Variants in ANKS1B observed in about 807,000 individuals in gnomAD.
ANKS1B encodes the protein ankyrin repeat and sterile alpha motif domain-containing protein 1B.
Under a neutral mutation model 148.3 loss-of-function variants are expected in ANKS1B, and 36 were observed. That is an observed-to-expected ratio of 0.24 (90% confidence interval 0.19 to 0.32). The LOEUF is 0.32. Among genes scored for constraint, ANKS1B ranks in the 10% least tolerant of loss-of-function variants. The pLI is 1.00. For missense variants in ANKS1B, 1,157 were observed against 1,542.6 expected, an observed-to-expected ratio of 0.75 and a Z score of 4.19; for synonymous variants, 542 against 560.8, an observed-to-expected ratio of 0.97 and a Z score of 0.47.
chr12:99,909,990 T>G (rs1001923541), intron 1 of ANKS1B, among the ~76,000 whole-genome samples: 1 of 152,228 alleles, frequency 6.6e-6, no homozygotes. Context: ...TTTGTTCATA[T>G]TCCATTCCAA....
At chr12:99,651,281 G>A (rs956064494) in intron 9 of ANKS1B, among the ~76,000 whole-genome samples, 1 of 152,092 alleles carries the variant, frequency 6.6e-6, no homozygotes, top group Non-Finnish European at 1.5e-5. Context: ...CTAGCTTTGC[G>A]AATTTCAAGG....
At chr12:99,817,984 T>A (rs756356628) in intron 2 of ANKS1B, among the ~76,000 whole-genome samples, 1 of 151,812 alleles carries the variant, frequency 6.6e-6, no homozygotes, top group Non-Finnish European at 1.5e-5. Flanking sequence ...TGGATAACCA[T>A]ATTCAGCAGA....
Position 99,053,320 on chromosome 12 carries a change from GA to G in ANKS1B, c.2626-12del, listed in dbSNP as rs1434551828. The G allele has an allele frequency of 1.3e-6, 2 of 1,575,110 alleles. No homozygotes were observed. Among genetic ancestry groups the G allele is most frequent in the Non-Finnish European group, 1.7e-6 (2 of 1,163,894 alleles). ...CCCAATGGGTCTCATCTGTAATAAAGAAAATTACATTAGGATTAAACTGTAT... is the reference window on the plus strand; with the variant it reads ...CCCAATGGGTCTCATCTGTAATAAAGAAATTACATTAGGATTAAACTGTAT... On this transcript the variant is annotated splice_polypyrimidine_tract_variant and intron_variant, in intron 16 of 26. Transcript: ENST00000683438.
At chr12:99,319,635 G>T (rs1482362377) in intron 12 of ANKS1B, among the ~76,000 whole-genome samples, 2 of 149,706 alleles carry the variant, frequency 1.3e-5, no homozygotes, top group Admixed American at 6.6e-5. Context: ...TATCCAATTT[G>T]CCAGTCTGTG....
intron 8 of ANKS1B, among the ~76,000 whole-genome samples, chr12:99,732,532 G>GA (rs200793060): frequency 2.6e-5 from 4 of 151,584 alleles, no homozygotes; most frequent in Admixed American, 6.6e-5. Context: ...TGAAATTCTA[G>GA]AAAAAAAAAT....
chr12:99,462,066 C>T (rs999417796), intron 10 of ANKS1B, among the ~76,000 whole-genome samples: 2 of 152,226 alleles, frequency 1.3e-5, no homozygotes, highest in African/African-American at 4.8e-5. Flanking sequence ...CCAGTAACTA[C>T]ATTCACTCTT....
intron 12 of ANKS1B, among the ~76,000 whole-genome samples, chr12:99,333,244 A>T (rs2087947200): frequency 6.6e-6 from 1 of 152,094 alleles, no homozygotes; most frequent in African/African-American, 2.4e-5. Context: ...GAGCAAGAGA[A>T]TGCTTTAGAC....
intron 11 of ANKS1B, among the ~76,000 whole-genome samples, chr12:99,436,539 C>T (rs1056309059): frequency 2.0e-5 from 3 of 151,918 alleles, no homozygotes; most frequent in South Asian, 2.1e-4. Context: ...TTTTTACATA[C>T]CCACTCTCAT....
At chr12:99,300,847 A>T (rs1281141462) in intron 12 of ANKS1B, among the ~76,000 whole-genome samples, 1 of 152,188 alleles carries the variant, frequency 6.6e-6, no homozygotes, top group Non-Finnish European at 1.5e-5. Context: ...AAAAAAATTT[A>T]AAAGTGCTAT....
intron 15 of ANKS1B, among the ~76,000 whole-genome samples, chr12:99,118,610 C>A (rs975876245): frequency 2.6e-5 from 4 of 152,142 alleles, no homozygotes; most frequent in African/African-American, 9.7e-5. Flanking sequence ...TGCTGCAATG[C>A]TGTGAGCCCA....
At chr12:99,198,049 C>T (rs1416188318) in intron 14 of ANKS1B, among the ~76,000 whole-genome samples, 2 of 152,154 alleles carry the variant, frequency 1.3e-5, no homozygotes, top group East Asian at 3.9e-4. Context: ...GGTGAACTCC[C>T]TACCCTTATT....
intron 17 of ANKS1B, among the ~76,000 whole-genome samples, chr12:98,940,089 C>A (rs919608311): frequency 1.3e-5 from 2 of 152,154 alleles, no homozygotes; most frequent in Non-Finnish European, 2.9e-5. Context: ...GAGTTCAGGC[C>A]CCACTGTGAA....
chr12:99,468,929 C>G (rs2096186656), intron 10 of ANKS1B, among the ~76,000 whole-genome samples: 1 of 152,104 alleles, frequency 6.6e-6, no homozygotes, highest in Non-Finnish European at 1.5e-5. Flanking sequence ...ACCCAGCCAT[C>G]CCATTACTGG....
chr12:98,999,027 C>T (rs2099931355), intron 17 of ANKS1B, among the ~76,000 whole-genome samples: 4 of 152,226 alleles, frequency 2.6e-5, no homozygotes, highest in Admixed American at 2.6e-4. Flanking sequence ...TGTTAATCTT[C>T]AGCAGACAAA....
intron 12 of ANKS1B, among the ~76,000 whole-genome samples, chr12:99,370,673 T>A (rs1208864263): frequency 2.6e-5 from 4 of 152,204 alleles, no homozygotes. Context: ...GGTGAAATAT[T>A]ACTTTAATTA....
intron 17 of ANKS1B, among the ~76,000 whole-genome samples, chr12:98,994,099 C>A (rs1278316790): frequency 6.6e-6 from 1 of 151,980 alleles, no homozygotes; most frequent in Non-Finnish European, 1.5e-5. Flanking sequence ...TCTATATGTA[C>A]ATATATGTGG....
intron 10 of ANKS1B, among the ~76,000 whole-genome samples, chr12:99,466,983 C>T (rs192656433): frequency 8.6e-4 from 131 of 152,192 alleles, no homozygotes; most frequent in Non-Finnish European, 8.2e-4. Context: ...AGAGACACAA[C>T]CAAAAAAGAG....
chr12:99,617,733 C>A (rs936317643), intron 9 of ANKS1B, among the ~76,000 whole-genome samples: 3 of 151,826 alleles, frequency 2.0e-5, no homozygotes, highest in South Asian at 2.1e-4. Flanking sequence ...TGCAGCAAAC[C>A]ACCATGGCAC....
At chr12:99,193,793 C>CTTTTTTTTTTTTTTT (rs34024548) in intron 14 of ANKS1B, among the ~76,000 whole-genome samples, 5 of 66,840 alleles carry the variant, frequency 7.5e-5, no homozygotes, top group Admixed American at 2.3e-4. Flanking sequence ...ATTTCTAGTT[C>CTTTTTTTTTTTTTTT]TTTTTTTTTT....
Sources: allele counts gnomAD v4.1 joint callset (sites outside exome capture counted in the v4.1 genomes callset), GRCh38; gene constraint gnomAD v4.1.1; transcripts MANE v1.5; gene names NCBI Gene and HGNC (gene_info 2026-07-23, HGNC 2026-07-21).